Variants in SNX7 observed in about 807,000 individuals in gnomAD.
SNX7 encodes sorting nexin-7.
In SNX7, 35 loss-of-function variants were observed where a neutral mutation model predicts 48.4. The observed-to-expected ratio is 0.72, with a 90% CI of 0.55 to 0.96. The LOEUF is 0.96. Ranked by LOEUF, SNX7 falls within the 40% of genes least tolerant of loss-of-function variation. SNX7 has a pLI of 0.00. For synonymous variants in SNX7, 190 were observed against 190.2 expected, an observed-to-expected ratio of 1.00 and a Z score of 0.01; for missense variants, 553 against 548.9, an observed-to-expected ratio of 1.01 and a Z score of -0.07.
At chr1:98,695,097 G>T (rs551706656) in intron 4 of SNX7, among the ~76,000 whole-genome samples, 1 of 152,204 alleles carries the variant, frequency 6.6e-6, no homozygotes, top group Non-Finnish European at 1.5e-5. Flanking sequence ...AATTAATGAA[G>T]TTTTCCAATT....
chr1:98,737,303 A>G (rs111815819), intron 7 of SNX7, among the ~76,000 whole-genome samples: 2 of 151,898 alleles, frequency 1.3e-5, no homozygotes, highest in African/African-American at 4.8e-5. Flanking sequence ...GCATCCTAAC[A>G]TTCCCTGTCT....
At chr1:98,745,358 C>T (rs564117495) in intron 8 of SNX7, among the ~76,000 whole-genome samples, 15 of 152,006 alleles carry the variant, frequency 9.9e-5, no homozygotes, top group South Asian at 2.1e-4. Flanking sequence ...TGGAATAATC[C>T]GGAGTTATCC....
chr1:98,736,882 A>G (rs1653806656), intron 7 of SNX7, among the ~76,000 whole-genome samples: 1 of 152,184 alleles, frequency 6.6e-6, no homozygotes, highest in Admixed American at 6.6e-5. Context: ...ATGGCCTCTC[A>G]CAAATACTTT....
intron 8 of SNX7, among the ~76,000 whole-genome samples, chr1:98,759,827 T>G (rs1655025729): frequency 6.6e-6 from 1 of 152,084 alleles, no homozygotes; most frequent in Non-Finnish European, 1.5e-5. Flanking sequence ...TTCAGCAAAC[T>G]AATCCTTGCT....
intron 8 of SNX7, among the ~76,000 whole-genome samples, chr1:98,750,817 G>T (rs1654544786): frequency 6.6e-6 from 1 of 151,998 alleles, no homozygotes; most frequent in Non-Finnish European, 1.5e-5. Flanking sequence ...TCTTATATTT[G>T]GAAATTATAA....
intron 8 of SNX7, among the ~76,000 whole-genome samples, chr1:98,747,357 A>G (rs1349788944): frequency 6.6e-6 from 1 of 152,172 alleles, no homozygotes; most frequent in Non-Finnish European, 1.5e-5. Context: ...AGAAGTTGAA[A>G]GTAATCAGTT....
At chr1:98,726,164 TCA>T (rs1341629408) in intron 7 of SNX7, among the ~76,000 whole-genome samples, 1 of 152,148 alleles carries the variant, frequency 6.6e-6, no homozygotes, top group Admixed American at 6.5e-5. Flanking sequence ...TTGTCTGCAT[TCA>T]CACAGTTAGG....
intron 7 of SNX7, among the ~76,000 whole-genome samples, chr1:98,730,507 A>G (rs1653455120): frequency 6.6e-6 from 1 of 152,066 alleles, no homozygotes; most frequent in Admixed American, 6.6e-5. Context: ...AGAAAACCTC[A>G]TTGTCTCAGC....
intron 8 of SNX7, among the ~76,000 whole-genome samples, chr1:98,759,328 G>A (rs771777701): frequency 6.6e-6 from 1 of 151,940 alleles, no homozygotes; most frequent in South Asian, 2.1e-4. Flanking sequence ...AAATTATGCT[G>A]TAGATAAACT....
At chr1:98,712,827 C>T (rs9663053) in intron 7 of SNX7, among the ~76,000 whole-genome samples, 32,136 of 152,060 alleles carry the variant, frequency 0.21, 3,666 homozygotes, top group East Asian at 0.31. Context: ...CACAGTGGCT[C>T]ACACCTGTAA....
In SNX7 at chr1:98,691,519, A is replaced by AT. The variant is rs760397635; in HGVS notation, c.475-8dup. 39 of 1,550,094 alleles carry AT rather than the reference A, an allele frequency of 2.5e-5. No homozygotes were observed. The highest frequency in any genetic ancestry group is 8.5e-5 in the Admixed American group (4 of 47,248). ...CTAATAATACTTGAATACCTTTTTAATTTTTTTTGCCTTAGCCATTGCCAG... is the reference window on the plus strand; with the variant it reads ...CTAATAATACTTGAATACCTTTTTAATTTTTTTTTGCCTTAGCCATTGCCAG... On this transcript the variant is annotated splice_polypyrimidine_tract_variant and intron_variant, in intron 3 of 8. Coordinates refer to ENST00000306121, the MANE Select transcript of SNX7 (RefSeq NM_015976.5).
rs373348675 is a variant in SNX7, at chr1:98,698,940, C to T, written c.1038+35C>T. On this transcript the variant is annotated intron_variant, in intron 6 of 8. Coordinates refer to ENST00000306121, the MANE Select transcript of SNX7 (RefSeq NM_015976.5). ...CCTAATTCTAATTTTACCTCAGTCCCTTACCTGATTATAAGCTCCATAAAG... is the reference window on the plus strand; with the variant it reads ...CCTAATTCTAATTTTACCTCAGTCCTTTACCTGATTATAAGCTCCATAAAG... The T allele has an allele frequency of 3.1e-6, 5 of 1,590,672 alleles. No individual in the cohort carries two copies. In the South Asian group the frequency reaches 4.4e-5, roughly 14 times the overall value.
intron 1 of SNX7, chr1:98,677,413 G>A (rs548583287): frequency 6.6e-6 from 1 of 152,364 alleles, no homozygotes; most frequent in South Asian, 2.1e-4. Flanking sequence ...GGCCTACGTG[G>A]TCAGAGCAGA....
chr1:98,723,430 A>G (rs1055836548), intron 7 of SNX7, among the ~76,000 whole-genome samples: 1 of 151,258 alleles, frequency 6.6e-6, no homozygotes, highest in African/African-American at 2.4e-5. Context: ...TGTATTTATC[A>G]TAAATTTTGT....
At chr1:98,703,611 T>G (rs766610306) in intron 7 of SNX7, among the ~76,000 whole-genome samples, 11 of 152,078 alleles carry the variant, frequency 7.2e-5, no homozygotes, top group African/African-American at 1.7e-4. Context: ...CCTTTTCTAT[T>G]TGATAAGAAA....
intron 1 of SNX7, among the ~76,000 whole-genome samples, chr1:98,675,484 T>C (rs556249947): frequency 6.6e-6 from 1 of 152,128 alleles, no homozygotes; most frequent in African/African-American, 2.4e-5. Context: ...CTCATTGGAA[T>C]TGTGAGCCTT....
rs145996238 is a variant in SNX7 at position 98,718,904 on chromosome 1, T to C, written c.1125+17001T>C. Among the ~76,000 whole-genome samples the C allele has an allele frequency of 5.0e-3, 766 of 152,282 alleles. 2 individuals are homozygous for C. The highest frequency in any genetic ancestry group is 0.017 in the South Asian group (82 of 4,826). On this transcript the variant is annotated intron_variant, in intron 7 of 8. Coordinates refer to ENST00000306121, the MANE Select transcript of SNX7 (RefSeq NM_015976.5). ...GTTTTACAGCTACATGATATCCCAT[T>C]GTATGGCTGTGCAGAATTTATTTAA...
intron 1 of SNX7, among the ~76,000 whole-genome samples, chr1:98,675,329 GT>G (rs1338680566): frequency 3.9e-5 from 6 of 152,040 alleles, no homozygotes; most frequent in African/African-American, 1.4e-4. Flanking sequence ...TAGATAGTCA[GT>G]TTTATTGAGG....
At chr1:98,723,940 T>C (rs1653028100) in intron 7 of SNX7, among the ~76,000 whole-genome samples, 1 of 137,746 alleles carries the variant, frequency 7.3e-6, no homozygotes, top group South Asian at 2.5e-4. Flanking sequence ...GACTTCATAT[T>C]TTCTTTTTCA....
Sources: allele counts gnomAD v4.1 joint callset (sites outside exome capture counted in the v4.1 genomes callset), GRCh38; gene constraint gnomAD v4.1.1; transcripts MANE v1.5; gene names NCBI Gene and HGNC (gene_info 2026-07-23, HGNC 2026-07-21).